REPS1: variants seen among roughly 807,000 people sequenced by gnomAD.
REPS1 encodes ralBP1-associated Eps domain-containing protein 1.
REPS1 carries 39 observed loss-of-function variants against 100.9 expected under a neutral mutation model. That is an observed-to-expected ratio of 0.39 (90% CI 0.30 to 0.50). The LOEUF (loss-of-function observed/expected upper bound fraction) is 0.50, where lower values mean the gene tolerates loss of function less well. Ranked by LOEUF, REPS1 falls within the 20% of genes least tolerant of loss-of-function variation. REPS1 has a pLI of 0.86. For missense variants in REPS1, 821 were observed against 968.5 expected (o/e 0.85, Z 2.02); for synonymous variants, 324 against 340.3 (o/e 0.95, Z 0.53).
At chr6:138,916,768 A>G (rs1280795528) in intron 13 of REPS1, among the ~76,000 whole-genome samples, 3 of 152,164 alleles carry the variant, frequency 2.0e-5, no homozygotes, top group African/African-American at 7.2e-5. Flanking sequence ...CTCGCCCTAG[A>G]GATTCACTTC....
At chr6:138,907,360 CCA>C in intron 19 of REPS1, 133 bp downstream of exon 19, 3 of 417,754 alleles carry the variant, frequency 7.2e-6, no homozygotes, top group Non-Finnish European at 1.3e-5. Flanking sequence ...GGTTAACTAA[CCA>C]CAGTCAAAGC....
chr6:138,963,846 T>C (rs1264328847), intron 1 of REPS1, among the ~76,000 whole-genome samples: 6 of 152,218 alleles, frequency 3.9e-5, no homozygotes, highest in African/African-American at 1.4e-4. Context: ...TTTCAATACT[T>C]AGCACAATCC....
chr6:138,919,374 T>C lies in REPS1; in HGVS notation c.1528+841A>G, dbSNP rs559266769. On this transcript the variant is annotated intron_variant, in intron 12 of 19. Transcript: ENST00000450536. ...TGTGTCCTGTTTTGTCTCGCCTTCTTTTGGCCTATTACCATTAGGAGAGCC... is the reference window on the plus strand; with the variant it reads ...TGTGTCCTGTTTTGTCTCGCCTTCTCTTGGCCTATTACCATTAGGAGAGCC... Among the ~76,000 whole-genome samples the C allele has an allele frequency of 6.6e-5, 10 of 152,296 alleles. No individual in the cohort carries two copies. In the East Asian group the frequency reaches 1.7e-3, roughly 26 times the overall value.
chr6:138,921,470 T>A (rs115653558), intron 10 of REPS1, among the ~76,000 whole-genome samples: 3,272 of 150,302 alleles, frequency 0.022, 126 homozygotes, highest in African/African-American at 0.075. Context: ...CTAAGCAACA[T>A]AGTGAAACCC....
intron 1 of REPS1, among the ~76,000 whole-genome samples, chr6:138,957,181 C>A (rs1263033255): frequency 6.6e-6 from 1 of 151,982 alleles, no homozygotes; most frequent in East Asian, 1.9e-4. Flanking sequence ...TTGTGAAGAT[C>A]CAGAGTGCTC....
chr6:138,970,166 G>A (rs1784260172), intron 1 of REPS1, among the ~76,000 whole-genome samples: 1 of 152,126 alleles, frequency 6.6e-6, no homozygotes, highest in Non-Finnish European at 1.5e-5. Flanking sequence ...TCAATGAGGT[G>A]TTCAGAGCTT....
chr6:138,967,877 C>T (rs976812929), intron 1 of REPS1, among the ~76,000 whole-genome samples: 2 of 152,028 alleles, frequency 1.3e-5, no homozygotes, highest in African/African-American at 2.4e-5. Context: ...CAAAACAATC[C>T]TATGAGGTAG....
At chr6:138,936,111 GA>G (rs776157169) in intron 8 of REPS1, among the ~76,000 whole-genome samples, 1 of 151,940 alleles carries the variant, frequency 6.6e-6, no homozygotes, top group Non-Finnish European at 1.5e-5. Context: ...AATTGCAAAG[GA>G]AAAAGGTCAC....
chr6:138,988,042 T>G lies in REPS1; in HGVS notation c.-360A>C. On this transcript the variant is annotated 5_prime_UTR_variant, in exon 1 of 20. Transcript: ENST00000450536. ...ACTCCGCCCCCGCCGCGGGTTCGAG[T>G]CTCCCCGGCTCCCTGCCGATTCCCC... 2.5e-6 allele frequency: 1 copy of G among 396,706 alleles called. No individual in the cohort carries two copies. The highest frequency in any genetic ancestry group is 3.6e-5 in the East Asian group (1 of 27,936). The allele number at this position is 396,706 out of a possible 1,614,324, so 24.6% of individuals were successfully genotyped here.
chr6:138,914,339 C>T (rs1468603396), intron 15 of REPS1, among the ~76,000 whole-genome samples: 1 of 152,140 alleles, frequency 6.6e-6, no homozygotes, highest in Non-Finnish European at 1.5e-5. Flanking sequence ...TCCCAAAGTG[C>T]TGCAATTACA....
chr6:138,978,282 C>T (rs58919189), intron 1 of REPS1, among the ~76,000 whole-genome samples: 13,053 of 149,940 alleles, frequency 0.087, 1,206 homozygotes, highest in African/African-American at 0.23. Flanking sequence ...TTATTTGTTT[C>T]TTTTCCTTTT....
chr6:138,955,521 G>A (rs879466454), intron 1 of REPS1, among the ~76,000 whole-genome samples: 1 of 144,560 alleles, frequency 6.9e-6, no homozygotes, highest in Non-Finnish European at 1.5e-5. Context: ...AACTATGAGT[G>A]ACTATTACAT....
chr6:138,979,184 AAAAAAAAAAAAAAC>A (rs1221638370), intron 1 of REPS1, among the ~76,000 whole-genome samples: 14 of 142,854 alleles, frequency 9.8e-5, no homozygotes, highest in African/African-American at 2.6e-4. Context: ...CCATCACAAA[AAAAAAAAAAAAAAC>A]AAAAAAAAAA....
rs896397289 is a variant in REPS1, at chr6:138,950,471, A to G, written c.154-2558T>C. 6.6e-5 allele frequency among the ~76,000 whole-genome samples: 10 copies of G among 151,856 alleles called. 1 individual carries two copies. Among genetic ancestry groups the G allele is most frequent in the African/African-American group, 2.4e-4 (10 of 41,310 alleles). ...ACTCAAGCCTGGGCAACAGAGCAAG[A>G]CTCTGTCTCCCCCCGCAAAAAAAAA... On this transcript the variant is annotated intron_variant, in intron 1 of 19. Coordinates refer to ENST00000450536, the MANE Select transcript of REPS1 (RefSeq NM_001286611.2).
At chr6:138,922,435 GAGTCT>G (rs1780837676) in intron 10 of REPS1, among the ~76,000 whole-genome samples, 4 of 152,264 alleles carry the variant, frequency 2.6e-5, no homozygotes, top group Admixed American at 2.6e-4. Context: ...AACTTCATGA[GAGTCT>G]AGTCTAGTTA....
chr6:138,904,938 A>G lies in REPS1; in HGVS notation c.*126T>C. 2 of 695,842 alleles carry G rather than the reference A, an allele frequency of 2.9e-6. No homozygotes were observed. The highest frequency in any genetic ancestry group is 5.0e-6 in the Non-Finnish European group (2 of 399,996). 43.1% of individuals were successfully genotyped at this position (695,842 alleles called of 1,614,324 possible). On this transcript the variant is annotated 3_prime_UTR_variant, in exon 20 of 20. Transcript: ENST00000450536. ...TACTTAAATACAACGGTGAACATAT[A>G]GGGCAAAACAGAATCATAAAATTTA...
In REPS1 at chr6:138,987,968, A is replaced by C. The variant is rs1785378540; in HGVS notation, c.-286T>G. The C allele has an allele frequency of 2.6e-6, 1 of 385,364 alleles. No homozygotes were observed. Among genetic ancestry groups the C allele is most frequent in the Non-Finnish European group, 4.6e-6 (1 of 218,778 alleles). The allele number at this position is 385,364 out of a possible 1,614,324, so 23.9% of individuals were successfully genotyped here. A position where few individuals can be genotyped will look rare whatever the true frequency, so the allele number is the denominator to read the frequency against. ...TCCGGCTCCGGCTCCGGCCGCGGGG[A>C]GGGTGCAGAGAAAGAGGCGGGGGCC... On this transcript the variant is annotated 5_prime_UTR_variant, in exon 1 of 20. Transcript: ENST00000450536.
chr6:138,921,249 T>G, intron 10 of REPS1, 125 bp from the exon 11 acceptor site: 3 of 609,188 alleles, frequency 4.9e-6, no homozygotes, highest in Non-Finnish European at 8.5e-6. Context: ...AAGGCAGGCA[T>G]GAAAATAAGC....
In REPS1 at chr6:138,917,644, G is replaced by A. The variant is rs1277264854; in HGVS notation, c.1529-17C>T. 1.9e-6 allele frequency: 3 copies of A among 1,582,230 alleles called. No homozygotes were observed. The highest frequency in any genetic ancestry group is 2.2e-5 in the East Asian group (1 of 44,644). ...AACCATCTGCTGATAAATGGGATAT[G>A]TCCTATTTAATAATAATCATTTCTT... On this transcript the variant is annotated splice_polypyrimidine_tract_variant and intron_variant, in intron 12 of 19. Coordinates refer to ENST00000450536, the MANE Select transcript of REPS1 (RefSeq NM_001286611.2).
Sources: allele counts gnomAD v4.1 joint callset (sites outside exome capture counted in the v4.1 genomes callset), GRCh38; gene constraint gnomAD v4.1.1; transcripts MANE v1.5; gene names NCBI Gene and HGNC (gene_info 2026-07-23, HGNC 2026-07-21).